Variants in DNAH11 observed in about 807,000 individuals in gnomAD.
DNAH11 encodes the protein dynein axonemal heavy chain 11.
A neutral mutation model predicts 526.0 loss-of-function variants in DNAH11; 442 were observed. The ratio of observed to expected loss-of-function variants is 0.84; its 90% confidence interval spans 0.78 to 0.91. The LOEUF (loss-of-function observed/expected upper bound fraction) is 0.91. DNAH11 is among the 40% of genes least tolerant of loss of function. The pLI is 0.00. For missense variants in DNAH11, 6,989 were observed against 5,448.7 expected, an observed-to-expected ratio of 1.28 and a Z score of -8.90; for synonymous variants, 2,461 against 1,935.9, an observed-to-expected ratio of 1.27 and a Z score of -7.12.
chr7:21,769,753 G>A (rs1224648653), intron 55 of DNAH11, among the ~76,000 whole-genome samples: 1 of 151,962 alleles, frequency 6.6e-6, no homozygotes, highest in African/African-American at 2.4e-5. Flanking sequence ...CCAAAGTGCT[G>A]GATTACAGGC....
intron 62 of DNAH11, among the ~76,000 whole-genome samples, chr7:21,804,818 G>A (rs911884706): frequency 1.3e-5 from 2 of 152,010 alleles, no homozygotes; most frequent in Non-Finnish European, 2.9e-5. Context: ...ACAAACTTAA[G>A]TACATTCACA....
chr7:21,783,210 C>A (rs1788028499), intron 57 of DNAH11, among the ~76,000 whole-genome samples: 1 of 152,032 alleles, frequency 6.6e-6, no homozygotes, highest in African/African-American at 2.4e-5. Flanking sequence ...TGGAGTAGTT[C>A]TCAGTAAGCA....
At chr7:21,757,774 C>T (rs927115294) in intron 54 of DNAH11, among the ~76,000 whole-genome samples, 6 of 152,116 alleles carry the variant, frequency 3.9e-5, no homozygotes, top group African/African-American at 9.7e-5. Flanking sequence ...ATGTCAAGCA[C>T]CACTTGTATG....
intron 10 of DNAH11, 110 bp from the exon 11 acceptor site, chr7:21,588,402 A>G: frequency 1.4e-6 from 2 of 1,398,528 alleles, no homozygotes; most frequent in Admixed American, 4.1e-5. Context: ...TTAAACACAT[A>G]TGTTTTATAC....
intron 59 of DNAH11, 43 bp downstream of exon 59, chr7:21,786,810 A>G (rs374335207): frequency 6.2e-7 from 1 of 1,610,776 alleles, no homozygotes; most frequent in Non-Finnish European, 8.5e-7. Context: ...GATAATTTCC[A>G]TACTGTTTTC....
At chr7:21,705,575 G>C in intron 39 of DNAH11, 38 bp downstream of exon 39, 1 of 1,595,342 alleles carries the variant, frequency 6.3e-7, no homozygotes, top group South Asian at 1.1e-5. Context: ...GCTATGGAAA[G>C]AACATTTGTT....
intron 9 of DNAH11, among the ~76,000 whole-genome samples, chr7:21,583,540 A>G (rs1251520865): frequency 1.3e-5 from 2 of 152,254 alleles, no homozygotes; most frequent in East Asian, 1.9e-4. Context: ...CTTCATGACT[A>G]AAACACCAAA....
At chr7:21,803,777 G>A (rs1364955422) in intron 62 of DNAH11, among the ~76,000 whole-genome samples, 3 of 150,314 alleles carry the variant, frequency 2.0e-5, no homozygotes, top group Admixed American at 1.3e-4. Context: ...GGAAAAGTGG[G>A]GAATGGGGCT....
At chr7:21,796,236 AC>A (rs1392003529) in intron 61 of DNAH11, among the ~76,000 whole-genome samples, 1 of 152,196 alleles carries the variant, frequency 6.6e-6, no homozygotes, top group East Asian at 1.9e-4. Context: ...ATTAAGGCAA[AC>A]GTAGATTCAG....
At chr7:21,672,316 C>T (rs933536555) in intron 30 of DNAH11, among the ~76,000 whole-genome samples, 4 of 152,178 alleles carry the variant, frequency 2.6e-5, no homozygotes, top group African/African-American at 4.8e-5. Context: ...GAGTGTGTCT[C>T]GCTCTATTGT....
In DNAH11 at chr7:21,666,541, C is replaced by G. The variant is rs985178470; in HGVS notation, c.5328+7510C>G. ...TTTTCTCATTAACCATCCTCTCCCT[C>G]TCAACAAAGACTCAGAAATACCAGT... is the stretch of plus-strand genomic sequence containing the variant. On this transcript the variant is annotated intron_variant, in intron 30 of 81. Coordinates refer to ENST00000409508, the MANE Select transcript of DNAH11 (RefSeq NM_001277115.2). Among the ~76,000 whole-genome samples, 6 of 152,184 alleles carry G rather than the reference C, an allele frequency of 3.9e-5. No individual in the cohort carries two copies. The East Asian group carries it at 1.2e-3, about 29-fold the overall frequency.
intron 27 of DNAH11, among the ~76,000 whole-genome samples, chr7:21,638,588 G>C (rs1327087819): frequency 2.6e-5 from 4 of 152,128 alleles, no homozygotes; most frequent in Non-Finnish European, 5.9e-5. Context: ...TCAGGTTGAA[G>C]GATGGCGACC....
intron 65 of DNAH11, among the ~76,000 whole-genome samples, chr7:21,838,342 C>T (rs940137728): frequency 3.3e-5 from 5 of 152,170 alleles, no homozygotes; most frequent in African/African-American, 9.7e-5. Context: ...AATGATTTGA[C>T]CTCTGATAAT....
intron 55 of DNAH11, among the ~76,000 whole-genome samples, chr7:21,770,877 C>G (rs1208191894): frequency 6.6e-6 from 1 of 152,156 alleles, no homozygotes; most frequent in Non-Finnish European, 1.5e-5. Flanking sequence ...CAAAACAGCA[C>G]TATGAAGAGC....
chr7:21,652,936 G>A (rs139162585), intron 28 of DNAH11, among the ~76,000 whole-genome samples: 10 of 152,182 alleles, frequency 6.6e-5, no homozygotes, highest in African/African-American at 2.4e-4. Flanking sequence ...GAGTGCAGTG[G>A]TGCCTTCTCG....
At chr7:21,680,201 A>G (rs1783082068) in intron 30 of DNAH11, among the ~76,000 whole-genome samples, 1 of 152,192 alleles carries the variant, frequency 6.6e-6, no homozygotes, top group Non-Finnish European at 1.5e-5. Flanking sequence ...GCATGATAAT[A>G]GTACAGTAGT....
chr7:21,796,741 A>G lies in DNAH11; in HGVS notation c.10027-4396A>G, dbSNP rs151291967. Among the ~76,000 whole-genome samples, 4 of 152,314 alleles carry G rather than the reference A, an allele frequency of 2.6e-5. No individual in the cohort carries two copies. The East Asian group carries it at 7.7e-4, about 29-fold the overall frequency. On this transcript the variant is annotated intron_variant, in intron 61 of 81. Transcript: ENST00000409508. ...ACTTTCCATCTTTGTGAGCTTGAGT[A>G]ACATTTTTGCCTCATGGACTCTCTA... is the stretch of plus-strand genomic sequence containing the variant.
At chr7:21,663,111 T>C (rs1168074089) in intron 30 of DNAH11, among the ~76,000 whole-genome samples, 2 of 152,130 alleles carry the variant, frequency 1.3e-5, no homozygotes, top group African/African-American at 4.8e-5. Flanking sequence ...TCACTGATGA[T>C]AATGACCTCT....
At chr7:21,680,608 G>A (rs925172349) in intron 30 of DNAH11, among the ~76,000 whole-genome samples, 6 of 152,114 alleles carry the variant, frequency 3.9e-5, no homozygotes, top group African/African-American at 9.7e-5. Flanking sequence ...CTGTGATACC[G>A]TATTTTCTAT....
Sources: allele counts gnomAD v4.1 joint callset (sites outside exome capture counted in the v4.1 genomes callset), GRCh38; gene constraint gnomAD v4.1.1; transcripts MANE v1.5; gene names NCBI Gene and HGNC (gene_info 2026-07-23, HGNC 2026-07-21).